PPFIA3: variants seen among roughly 807,000 people sequenced by gnomAD.
PPFIA3 encodes PPFI scaffold protein A3.
In PPFIA3, 26 loss-of-function variants were observed where a neutral mutation model predicts 145.8. The ratio of observed to expected loss-of-function variants is 0.18; its 90% CI spans 0.13 to 0.25. The LOEUF (loss-of-function observed/expected upper bound fraction) is 0.25. Among genes scored for constraint, PPFIA3 ranks in the 10% least tolerant of loss-of-function variants. The pLI is 1.00. For missense variants in PPFIA3, 1,008 were observed against 1,587.8 expected (o/e 0.63, Z 6.21); for synonymous variants, 645 against 661.4 (o/e 0.98, Z 0.38).
At chr19:49,131,335 ATTTTT>A (rs10553520) in intron 7 of PPFIA3, among the ~76,000 whole-genome samples, 82 of 108,438 alleles carry the variant, frequency 7.6e-4, no homozygotes, top group African/African-American at 2.3e-3. Flanking sequence ...CACCTGGCTA[ATTTTT>A]TTTTTTTTTT....
intron 10 of PPFIA3, 24 bp from the exon 11 acceptor site, chr19:49,134,010 C>T (rs371126215): frequency 8.3e-5 from 134 of 1,607,136 alleles, no homozygotes; most frequent in Non-Finnish European, 1.1e-4. Context: ...GGCTTAACAA[C>T]CCGCCCCGCT....
At position 49,127,001 on chromosome 19, in the gene PPFIA3, A is replaced by G. The variant is rs567955062; in HGVS notation, c.-15-858A>G. Among the ~76,000 whole-genome samples the G allele has an allele frequency of 1.3e-4, 20 of 150,424 alleles. No homozygotes were observed. The South Asian group carries it at 3.2e-3, about 24-fold the overall frequency. On this transcript the variant is annotated intron_variant, in intron 1 of 29. Coordinates refer to ENST00000334186, the MANE Select transcript of PPFIA3 (RefSeq NM_003660.4). The stretch of plus-strand genomic sequence containing the variant: ...AGCCAGGACTGTTTTCCTAAGAGCA[A>G]TGGCACAGGCACAGTGGCATACTTT...
At position 49,128,260 on chromosome 19, in the gene PPFIA3, C is replaced by G; in HGVS notation, c.241-107C>G. The G allele has an allele frequency of 6.7e-7, 1 of 1,492,320 alleles. No homozygotes were observed. Among genetic ancestry groups the G allele is most frequent in the Non-Finnish European group, 9.3e-7 (1 of 1,080,570 alleles). 92.4% of individuals were successfully genotyped at this position (1,492,320 alleles called of 1,614,324 possible). Reference sequence around the variant, plus strand: ...GCGGGGCCTGAGTGGCAAGGGACAGCGGGACTTAGCAGGGAGGGCGGGACC... The same window carrying G: ...GCGGGGCCTGAGTGGCAAGGGACAGGGGGACTTAGCAGGGAGGGCGGGACC... On this transcript the variant is annotated intron_variant, in intron 2 of 29. Transcript: ENST00000334186. The surrounding 1 kb of genome is among the most constrained non-coding windows in gnomAD (Gnocchi z 4.1).
At chr19:49,146,321 A>G in intron 23 of PPFIA3, 129 bp downstream of exon 23, 1 of 1,228,538 alleles carries the variant, frequency 8.1e-7, no homozygotes, top group Non-Finnish European at 1.1e-6. Context: ...CGCTGCGCCA[A>G]GCTTGGCTCT....
chr19:49,128,633 G>A lies in PPFIA3; in HGVS notation c.342+165G>A. On this transcript the variant is annotated intron_variant, in intron 3 of 29. Coordinates refer to ENST00000334186, the MANE Select transcript of PPFIA3 (RefSeq NM_003660.4). This position sits in a 1 kb window ranked among gnomAD's most constrained non-coding sequence, Gnocchi z 4.1. ...CACTTCCTGGCTGGTCTCCCACTCT[G>A]GTGCCACTCCTTCCTCCCTGTCTCC... is the stretch of plus-strand genomic sequence containing the variant. The A allele has an allele frequency of 2.6e-6, 2 of 762,838 alleles. No individual in the cohort carries two copies. Among genetic ancestry groups the A allele is most frequent in the Non-Finnish European group, 4.2e-6 (2 of 473,520 alleles). The allele number at this position is 762,838 out of a possible 1,614,324, so 47.3% of individuals were successfully genotyped here. A position where few individuals can be genotyped will look rare whatever the true frequency, so the allele number is the denominator to read the frequency against.
chr19:49,135,815 T>G lies in PPFIA3; in HGVS notation c.1557T>G (p.Ser519=). 1 of 1,613,848 alleles carries G rather than the reference T, an allele frequency of 6.2e-7. No individual in the cohort carries two copies. The highest frequency in any genetic ancestry group is 8.5e-7 in the Non-Finnish European group (1 of 1,179,882). ...GCAGTGCCCTGGAGCTCCGTTACTC[T>G]CAGGCACCCACTTTACCTTCTGGTG... The part of the protein sequence containing the change: ...LPGSALELRY[S]QAPTLPSGAH... Residue 519 remains serine (S), a synonymous_variant, in exon 14 of 30, where the codon TCT becomes TCG. Coordinates refer to ENST00000334186, the MANE Select transcript of PPFIA3 (RefSeq NM_003660.4).
intron 21 of PPFIA3, chr19:49,145,716 A>G: frequency 7.0e-6 from 4 of 574,728 alleles, no homozygotes; most frequent in East Asian, 5.9e-5. Context: ...AGCAAAATGC[A>G]TGGCAGGGTC....
intron 15 of PPFIA3, 22 bp downstream of exon 15, chr19:49,136,933 G>T (rs570618405): frequency 9.4e-6 from 14 of 1,487,732 alleles, no homozygotes; most frequent in Non-Finnish European, 1.3e-5. Context: ...CCCCGCCCCG[G>T]CCTGCCCTGC....
chr19:49,138,451 G>T, intron 16 of PPFIA3, 24 bp downstream of exon 16: 1 of 1,480,398 alleles, frequency 6.8e-7, no homozygotes, highest in Non-Finnish European at 9.0e-7. Flanking sequence ...AGTCTCCCCA[G>T]CCTAGTAGGG....
chr19:49,145,717 T>C (rs1425095480), intron 21 of PPFIA3: 3 of 575,810 alleles, frequency 5.2e-6, no homozygotes, highest in Non-Finnish European at 9.4e-6. Context: ...GCAAAATGCA[T>C]GGCAGGGTCC....
intron 13 of PPFIA3, among the ~76,000 whole-genome samples, chr19:49,135,163 T>G (rs1485848599): frequency 6.6e-6 from 1 of 152,074 alleles, no homozygotes; most frequent in Non-Finnish European, 1.5e-5. Context: ...TGCCTCAGCC[T>G]CCCAAGTAGC....
At chr19:49,129,331 T>C (rs1226608806) in intron 4 of PPFIA3, 49 bp from the exon 5 acceptor site, 3 of 1,540,586 alleles carry the variant, frequency 1.9e-6, no homozygotes, top group Non-Finnish European at 2.6e-6. Context: ...GCAACTGTCC[T>C]AAACTGGATC....
chr19:49,150,212 C>A, intron 29 of PPFIA3, 24 bp from the exon 30 acceptor site: 2 of 1,408,886 alleles, frequency 1.4e-6, no homozygotes, highest in Non-Finnish European at 2.0e-6. Context: ...TTCACTGCTC[C>A]ACGCGCTGCC....
At position 49,149,763 on chromosome 19, in the gene PPFIA3, G is replaced by A; in HGVS notation, c.3526+45G>A. 1.3e-6 allele frequency: 2 copies of A among 1,564,232 alleles called. No individual in the cohort carries two copies. The highest frequency in any genetic ancestry group is 1.7e-6 in the Non-Finnish European group (2 of 1,158,802). On this transcript the variant is annotated intron_variant, in intron 28 of 29. Transcript: ENST00000334186. The surrounding 1 kb of genome is among the most constrained non-coding windows in gnomAD (Gnocchi z 5.7). ...GACAGCCCTTCCTCGCTTCCCTAGG[G>A]TGGGGCATGGACCACCTCAGTAGTC...
At chr19:49,129,967 C>A (rs368473787) in intron 5 of PPFIA3, 26 bp from the exon 6 acceptor site, 3 of 1,612,216 alleles carry the variant, frequency 1.9e-6, no homozygotes, top group African/African-American at 2.7e-5. Flanking sequence ...AGCCCCTGTG[C>A]TCTGATTCCC....
At chr19:49,146,377 C>A (rs2041281055) in intron 23 of PPFIA3, 185 bp downstream of exon 23, 8 of 704,784 alleles carry the variant, frequency 1.1e-5, no homozygotes, top group Admixed American at 2.9e-5. Flanking sequence ...AGAGGGGATG[C>A]GATGTGGAAG....
chr19:49,136,581 G>T, intron 14 of PPFIA3, 143 bp from the exon 15 acceptor site: 1 of 563,268 alleles, frequency 1.8e-6, no homozygotes. Flanking sequence ...TCTGTCTCAA[G>T]AAAAAATAAA....
In PPFIA3 at chr19:49,133,307, A is replaced by C; in HGVS notation, c.1097A>C (p.Gln366Pro). ...DAKQKLQQTL[Q>P]KAETLPEIEA... The stretch of plus-strand genomic sequence containing the variant: ...AAGCAGAAGCTGCAGCAGACGCTGC[A>C]GAAAGCGGAGACCTTGCCCGAGATA... The change falls in exon 9 of 30, where the codon CAG (glutamine) becomes CCG (proline). Residue 366 changes from glutamine (Q) to proline (P), a missense_variant. By Grantham distance (76) the Gln-to-Pro change is moderately conservative. Around this residue, in one of 11 missense-constraint regions of PPFIA3, gnomAD observed 109 missense variants for 198.1 expected, o/e 0.55. Coordinates refer to ENST00000334186, the MANE Select transcript of PPFIA3 (RefSeq NM_003660.4). The surrounding 1 kb of genome is among the most constrained non-coding windows in gnomAD (Gnocchi z 7.2). 1 of 1,610,724 alleles carries C rather than the reference A, an allele frequency of 6.2e-7. No homozygotes were observed. Among genetic ancestry groups the C allele is most frequent in the Non-Finnish European group, 8.5e-7 (1 of 1,179,138 alleles).
Position 49,147,686 on chromosome 19 carries a change from A to AAGAGAGAGAGAG in PPFIA3, c.2836-383_2836-372dup, listed in dbSNP as rs143496485. Among the ~76,000 whole-genome samples, 334 of 145,804 alleles carry AAGAGAGAGAGAG rather than the reference A, an allele frequency of 2.3e-3. 2 individuals carry two copies. The highest frequency in any genetic ancestry group is 7.8e-3 in the African/African-American group (303 of 38,916). On this transcript the variant is annotated intron_variant, in intron 23 of 29. Transcript: ENST00000334186. ...GGGTGACATAGCAGACTCTTTCAGAAAGAGAGAGAGAGAGAGAGAGAGAGA... is the reference window on the plus strand; with the variant it reads ...GGGTGACATAGCAGACTCTTTCAGAAAGAGAGAGAGAGAGAGAGAGAGAGAGAGAGAGAGAGA...
Sources: gnomAD v4.1 joint callset for allele counts (sites outside exome capture counted in the v4.1 genomes callset) on GRCh38, gnomAD v4.1.1 for gene constraint, gnomAD v4.1.1 regional missense constraint, Gnocchi (gnomAD v3.1) non-coding constraint, MANE v1.5 for transcripts, NCBI Gene and HGNC (gene_info 2026-07-23, HGNC 2026-07-21) for gene names.